Variants in CALN1 observed in about 807,000 individuals in gnomAD.
The protein encoded by CALN1 is calcium-binding protein 8.
Under a neutral mutation model 30.6 loss-of-function variants are expected in CALN1, and 17 were observed. The ratio of observed to expected loss-of-function variants is 0.56; its 90% confidence interval spans 0.38 to 0.83. The LOEUF is 0.83. CALN1 is among the 40% of genes least tolerant of loss of function. The pLI is 0.00. For synonymous variants in CALN1, 156 were observed against 131.4 expected (o/e 1.19, Z -1.28); for missense variants, 291 against 354.9 (o/e 0.82, Z 1.45).
chr7:72,402,053 T>TA (rs539000305), intron 2 of CALN1, among the ~76,000 whole-genome samples: 97 of 152,368 alleles, frequency 6.4e-4, no homozygotes, highest in African/African-American at 2.2e-3. Context: ...TCTCTGACTC[T>TA]AGCCAACCTT....
intron 3 of CALN1, among the ~76,000 whole-genome samples, chr7:72,251,035 G>C (rs1441828043): frequency 1.3e-5 from 2 of 152,076 alleles, no homozygotes; most frequent in Non-Finnish European, 2.9e-5. Context: ...TAAAGACATA[G>C]AGACCAGACC....
At chr7:72,253,231 T>C (rs1417311201) in intron 3 of CALN1, among the ~76,000 whole-genome samples, 2 of 152,230 alleles carry the variant, frequency 1.3e-5, no homozygotes, top group Admixed American at 1.3e-4. Context: ...GAAGAACTAA[T>C]GCAAATTTTT....
At chr7:71,897,236 T>C (rs560655446) in intron 5 of CALN1, among the ~76,000 whole-genome samples, 7 of 152,236 alleles carry the variant, frequency 4.6e-5, no homozygotes, top group Admixed American at 2.6e-4. Flanking sequence ...TTGGTGTTTA[T>C]TGTTTTTTGT....
chr7:72,116,943 T>C (rs1471879664), intron 3 of CALN1, among the ~76,000 whole-genome samples: 1 of 152,144 alleles, frequency 6.6e-6, no homozygotes, highest in Non-Finnish European at 1.5e-5. Flanking sequence ...AAGACATAAA[T>C]TAATACATGG....
chr7:72,081,365 C>G (rs911438747), intron 4 of CALN1, among the ~76,000 whole-genome samples: 15 of 133,896 alleles, frequency 1.1e-4, no homozygotes, highest in African/African-American at 4.2e-4. Context: ...TCTCCCTCAC[C>G]CCAACAATGA....
At chr7:71,834,239 A>C (rs1437592840) in intron 5 of CALN1, among the ~76,000 whole-genome samples, 3 of 126,170 alleles carry the variant, frequency 2.4e-5, no homozygotes, top group Non-Finnish European at 5.1e-5. Flanking sequence ...AAAAAAAAAA[A>C]CCAACAAAAA....
At chr7:72,166,390 G>GACAAGCC (rs1260193359) in intron 3 of CALN1, among the ~76,000 whole-genome samples, 1 of 152,034 alleles carries the variant, frequency 6.6e-6, no homozygotes, top group Non-Finnish European at 1.5e-5. Flanking sequence ...TCTTGCAACG[G>GACAAGCC]TGTTGCCCAG....
At chr7:72,298,232 C>T (rs564906295) in intron 2 of CALN1, among the ~76,000 whole-genome samples, 56 of 142,002 alleles carry the variant, frequency 3.9e-4, no homozygotes, top group African/African-American at 1.2e-3. Context: ...TGACAGAAAG[C>T]GTGCGACTCT....
chr7:72,024,054 CT>C (rs1355865273), intron 4 of CALN1, among the ~76,000 whole-genome samples: 1 of 152,192 alleles, frequency 6.6e-6, no homozygotes, highest in Non-Finnish European at 1.5e-5. Context: ...TACCTCACCC[CT>C]GCTTCTCCTT....
At chr7:72,017,870 G>A (rs1050009296) in intron 5 of CALN1, among the ~76,000 whole-genome samples, 7 of 152,108 alleles carry the variant, frequency 4.6e-5, no homozygotes, top group Admixed American at 1.3e-4. Flanking sequence ...TGAACCTCAC[G>A]GTGGCAAAAG....
intron 2 of CALN1, among the ~76,000 whole-genome samples, chr7:72,363,243 ATTTTT>A (rs1165517790): frequency 1.0e-5 from 1 of 97,860 alleles, no homozygotes; most frequent in Non-Finnish European, 2.9e-5. Flanking sequence ...ACATTATTTT[ATTTTT>A]TTATTTTTGA....
chr7:72,267,952 A>G (rs930631502), intron 3 of CALN1, among the ~76,000 whole-genome samples: 13 of 152,196 alleles, frequency 8.5e-5, no homozygotes, highest in Non-Finnish European at 1.8e-4. Context: ...GGCTGCAGTG[A>G]GCTATGATCG....
chr7:72,165,608 A>C (rs1788465753), intron 3 of CALN1, among the ~76,000 whole-genome samples: 1 of 152,124 alleles, frequency 6.6e-6, no homozygotes, highest in South Asian at 2.1e-4. Flanking sequence ...ACAAACAAAC[A>C]AACAAGCAAA....
intron 5 of CALN1, among the ~76,000 whole-genome samples, chr7:71,855,590 TG>T (rs1016562038): frequency 6.6e-6 from 1 of 152,122 alleles, no homozygotes; most frequent in Non-Finnish European, 1.5e-5. Context: ...GCAAAGAAGC[TG>T]TTTTGGAGGT....
chr7:71,920,330 CTTTTT>C (rs71092931), intron 5 of CALN1, among the ~76,000 whole-genome samples: 7 of 98,736 alleles, frequency 7.1e-5, no homozygotes, highest in African/African-American at 2.4e-4. Context: ...CAAATTAGTT[CTTTTT>C]TTTTTTTTTT....
intron 5 of CALN1, among the ~76,000 whole-genome samples, chr7:71,990,264 G>A (rs1029362195): frequency 6.6e-6 from 1 of 152,120 alleles, no homozygotes; most frequent in African/African-American, 2.4e-5. Context: ...CACCATGACA[G>A]TTTACAAATG....
At chr7:72,410,549 C>G (rs1325739480) in intron 1 of CALN1, among the ~76,000 whole-genome samples, 1 of 152,196 alleles carries the variant, frequency 6.6e-6, no homozygotes, top group Admixed American at 6.5e-5. Context: ...CATCTGAAAA[C>G]TGAAATGAGC....
chr7:72,279,359 G>A (rs536727546), intron 2 of CALN1, among the ~76,000 whole-genome samples: 1 of 152,202 alleles, frequency 6.6e-6, no homozygotes, highest in Non-Finnish European at 1.5e-5. Context: ...TGCATCTCAA[G>A]CAGCAGCTGC....
intron 2 of CALN1, among the ~76,000 whole-genome samples, chr7:72,348,914 GA>G (rs1432818497): frequency 6.6e-6 from 1 of 152,214 alleles, no homozygotes; most frequent in Non-Finnish European, 1.5e-5. Context: ...GAAACAGAAG[GA>G]AAAATAACAA....
Sources: gnomAD v4.1 joint callset for allele counts (sites outside exome capture counted in the v4.1 genomes callset) on GRCh38, gnomAD v4.1.1 for gene constraint, MANE v1.5 for transcripts, NCBI Gene and HGNC (gene_info 2026-07-23, HGNC 2026-07-21) for gene names.